FRMPD4: variants seen among roughly 807,000 people sequenced by gnomAD.
FRMPD4 encodes the protein FERM and PDZ domain containing 4, also known as FERM and PDZ domain-containing protein 4.
FRMPD4 carries 22 observed loss-of-function variants against 94.1 expected under a neutral mutation model. The observed-to-expected ratio is 0.23, with a 90% CI of 0.17 to 0.33. The LOEUF (loss-of-function observed/expected upper bound fraction) is 0.33. Ranked by LOEUF, FRMPD4 falls within the 10% of genes least tolerant of loss-of-function variation. FRMPD4 has a pLI of 1.00. For missense variants in FRMPD4, 1,111 were observed against 1,339.9 expected (o/e 0.83, Z 2.67); for synonymous variants, 631 against 548.6 (o/e 1.15, Z -2.10).
chrX:12,189,442 C>G (rs1220956985), intron 1 of FRMPD4, among the ~76,000 whole-genome samples: 6 of 110,931 alleles, frequency 5.4e-5, no homozygotes, highest in African/African-American at 2.0e-4. Flanking sequence ...ACTCTAATAC[C>G]AAAAGCACAC....
chrX:12,475,126 GCTT>G (rs1248053915), intron 1 of FRMPD4, among the ~76,000 whole-genome samples: 1 of 111,862 alleles, frequency 8.9e-6, no homozygotes, highest in African/African-American at 3.3e-5. Flanking sequence ...GATCAAGTGG[GCTT>G]CATACCTGGG....
At chrX:12,135,916 G>C (rs1039562973), upstream of FRMPD4, among the ~76,000 whole-genome samples, 1 of 111,748 alleles carries the variant, frequency 8.9e-6, no homozygotes, top group Non-Finnish European at 1.9e-5. Flanking sequence ...GTCTTGTGCT[G>C]CCAGATGTTG....
intron 2 of FRMPD4, among the ~76,000 whole-genome samples, chrX:12,529,204 CAAGGTCG>C (rs1195211764): frequency 1.8e-5 from 2 of 112,394 alleles, no homozygotes; most frequent in Non-Finnish European, 3.8e-5. Flanking sequence ...TAGGTTTCTC[CAAGGTCG>C]TTGGACTAAG....
intron 3 of FRMPD4, among the ~76,000 whole-genome samples, chrX:12,040,553 C>CTTTTTT (rs760980082): frequency 6.8e-5 from 4 of 58,889 alleles, no homozygotes; most frequent in African/African-American, 1.5e-4. Flanking sequence ...TTATGTCTGC[C>CTTTTTT]TTTTTTTTTT....
chrX:12,105,127 C>T (rs1248317822), intron 3 of FRMPD4, among the ~76,000 whole-genome samples: 1 of 111,460 alleles, frequency 9.0e-6, no homozygotes, highest in Non-Finnish European at 1.9e-5. Context: ...TCCCATTTGC[C>T]ATTCAATTTT....
chrX:11,994,128 G>T (rs372104643), intron 3 of FRMPD4, among the ~76,000 whole-genome samples: 1 of 110,470 alleles, frequency 9.1e-6, no homozygotes, highest in African/African-American at 3.3e-5. Flanking sequence ...ACAATTGCAC[G>T]AAGGGGTGCA....
chrX:12,432,597 C>A (rs2057022172), intron 1 of FRMPD4, among the ~76,000 whole-genome samples: 1 of 112,011 alleles, frequency 8.9e-6, no homozygotes, highest in African/African-American at 3.2e-5. Flanking sequence ...GGCTGTGGGC[C>A]AGAGGCTGTC....
At chrX:12,289,664 G>A (rs557245622) in intron 1 of FRMPD4, among the ~76,000 whole-genome samples, 1 of 111,478 alleles carries the variant, frequency 9.0e-6, no homozygotes, top group Non-Finnish European at 1.9e-5. Context: ...AGGAATTGAA[G>A]AGGTAAGGGG....
chrX:11,993,622 G>A (rs186384972), intron 3 of FRMPD4, among the ~76,000 whole-genome samples: 106 of 112,374 alleles, frequency 9.4e-4, no homozygotes, highest in African/African-American at 3.4e-3. Context: ...GTGTTCTATA[G>A]ATTACTATGT....
chrX:12,396,292 C>T (rs1483228888), intron 1 of FRMPD4: 1 of 109,783 alleles, frequency 9.1e-6, no homozygotes, highest in Admixed American at 9.7e-5. Context: ...TGTTTTGATA[C>T]ATTTCCTGAC....
At chrX:12,090,110 T>C (rs1470377668) in intron 3 of FRMPD4, among the ~76,000 whole-genome samples, 1 of 111,771 alleles carries the variant, frequency 8.9e-6, no homozygotes, top group Non-Finnish European at 1.9e-5. Context: ...CCTGTGTCTC[T>C]GAACAAATCT....
chrX:11,953,051 A>G (rs929041023), intron 3 of FRMPD4, among the ~76,000 whole-genome samples: 4 of 111,768 alleles, frequency 3.6e-5, no homozygotes, highest in Non-Finnish European at 7.5e-5. Context: ...AAGCTAGTGC[A>G]AAATCAATAC....
chrX:12,646,524 T>C (rs2059549117), intron 4 of FRMPD4, among the ~76,000 whole-genome samples: 1 of 112,245 alleles, frequency 8.9e-6, no homozygotes, highest in Admixed American at 9.4e-5. Flanking sequence ...TTTATCATGG[T>C]TCACTGAAAA....
In FRMPD4 at chrX:12,203,295, C is replaced by G. The variant is rs758341746; in HGVS notation, c.41+64283C>G. On this transcript the variant is annotated intron_variant, in intron 1 of 16. Transcript: ENST00000675598. ...AATTTGGGAGTCAAAGTCAAGGATA[C>G]TTTTGTTGGTATCAAGAACTCAGAA... Among the ~76,000 whole-genome samples, 4 of 112,019 alleles carry G rather than the reference C, an allele frequency of 3.6e-5. No homozygotes were observed. In the East Asian group the frequency reaches 1.1e-3, roughly 32 times the overall value.
At chrX:12,697,423 C>T (rs1341638020) in intron 9 of FRMPD4, among the ~76,000 whole-genome samples, 1 of 112,400 alleles carries the variant, frequency 8.9e-6, no homozygotes, top group East Asian at 2.8e-4. Context: ...TCGCTGTAGA[C>T]AGTGAGTGCA....
At chrX:12,709,563 T>C (rs761849488) in intron 13 of FRMPD4, among the ~76,000 whole-genome samples, 1 of 111,593 alleles carries the variant, frequency 9.0e-6, no homozygotes, top group Non-Finnish European at 1.9e-5. Context: ...CGATTTCATC[T>C]AGAAGCAACT....
intron 12 of FRMPD4, among the ~76,000 whole-genome samples, chrX:12,707,237 C>T (rs754634676): frequency 9.8e-5 from 11 of 112,003 alleles, no homozygotes; most frequent in African/African-American, 6.5e-5. Flanking sequence ...CTAAAAGGAT[C>T]TTATGATTAT....
chrX:11,847,366 A>C (rs757328337), intron 1 of FRMPD4, among the ~76,000 whole-genome samples: 83 of 105,475 alleles, frequency 7.9e-4, no homozygotes, highest in African/African-American at 2.1e-3. Context: ...GGCAATCATT[A>C]AAAAGTCAGG....
At chrX:12,344,629 A>G (rs998852236) in intron 1 of FRMPD4, among the ~76,000 whole-genome samples, 4 of 112,495 alleles carry the variant, frequency 3.6e-5, no homozygotes, top group Non-Finnish European at 7.5e-5. Context: ...TTAAAATAGT[A>G]CTGAGCCCCA....
Sources: allele counts gnomAD v4.1 joint callset (sites outside exome capture counted in the v4.1 genomes callset), GRCh38; gene constraint gnomAD v4.1.1; transcripts MANE v1.5; gene names NCBI Gene and HGNC (gene_info 2026-07-23, HGNC 2026-07-21).